DYNC2H1: variants seen among roughly 807,000 people sequenced by gnomAD.
DYNC2H1 encodes the protein dynein cytoplasmic 2 heavy chain 1.
A neutral mutation model predicts 570.0 loss-of-function variants in DYNC2H1; 410 were observed. That is an observed-to-expected ratio of 0.72 (90% CI 0.66 to 0.78). DYNC2H1 has a LOEUF of 0.78. Ranked by LOEUF, DYNC2H1 falls within the 30% of genes least tolerant of loss-of-function variation. The pLI is 0.00. For synonymous variants in DYNC2H1, 1,688 were observed against 1,677.6 expected (o/e 1.01, Z -0.15); for missense variants, 4,865 against 5,046.4 (o/e 0.96, Z 1.09).
intron 83 of DYNC2H1, among the ~76,000 whole-genome samples, chr11:103,365,593 T>C (rs546903690): frequency 6.6e-6 from 1 of 152,172 alleles, no homozygotes; most frequent in Non-Finnish European, 1.5e-5. Context: ...AACTCATTGT[T>C]TAGATCTGGG....
At chr11:103,229,954 C>G (rs375698098) in intron 59 of DYNC2H1, among the ~76,000 whole-genome samples, 55 of 152,204 alleles carry the variant, frequency 3.6e-4, no homozygotes, top group African/African-American at 1.3e-3. Context: ...GTTCCTAGAC[C>G]AGCAGCATCA....
chr11:103,451,832 A>G (rs1326924158), intron 85 of DYNC2H1, among the ~76,000 whole-genome samples: 1 of 152,134 alleles, frequency 6.6e-6, no homozygotes, highest in African/African-American at 2.4e-5. Context: ...TGTTTCTATA[A>G]TTATGTAAAC....
In DYNC2H1 at chr11:103,114,000, G is replaced by A. The variant is rs573074084; in HGVS notation, c.367-103G>A. The A allele has an allele frequency of 5.8e-4, 773 of 1,334,398 alleles. 5 individuals are homozygous for A. Among genetic ancestry groups the A allele is most frequent in the Admixed American group, 4.8e-3 (197 of 40,846 alleles). 82.7% of individuals were successfully genotyped at this position (1,334,398 alleles called of 1,614,324 possible). On this transcript the variant is annotated intron_variant, in intron 2 of 88. Coordinates refer to ENST00000375735, the MANE Select transcript of DYNC2H1 (RefSeq NM_001377.3). The stretch of plus-strand genomic sequence containing the variant: ...ATTCTTCTTATGAAGTGGAGGTAGT[G>A]GCAGGCTTTAAGAAAAATGGGGTTT...
chr11:103,350,205 A>G (rs1363199231), intron 82 of DYNC2H1, among the ~76,000 whole-genome samples: 1 of 152,180 alleles, frequency 6.6e-6, no homozygotes, highest in Non-Finnish European at 1.5e-5. Context: ...TGAGGCCCCC[A>G]AATCATTAAA....
At chr11:103,247,749 G>T (rs566061680) in intron 65 of DYNC2H1, among the ~76,000 whole-genome samples, 46 of 152,162 alleles carry the variant, frequency 3.0e-4, no homozygotes, top group Admixed American at 5.9e-4. Context: ...ATATTTTCTA[G>T]CCAGGAACAC....
chr11:103,458,234 C>A (rs888513435), intron 87 of DYNC2H1, among the ~76,000 whole-genome samples: 1 of 152,090 alleles, frequency 6.6e-6, no homozygotes, highest in African/African-American at 2.4e-5. Context: ...GATACACTTA[C>A]CATGTGTTCC....
At position 103,277,440 on chromosome 11, in the gene DYNC2H1, G is replaced by A. The variant is rs1453683720; in HGVS notation, c.10696-2908G>A. Among the ~76,000 whole-genome samples, 2 of 152,048 alleles carry A rather than the reference G, an allele frequency of 1.3e-5. No homozygotes were observed. The highest frequency in any genetic ancestry group is 4.8e-5 in the African/African-American group (2 of 41,386). ...TTCATCTGCCTTTTTCAGAAGCGCT[G>A]TATACTTCTGGGATGTTTAGTCCCT... On this transcript the variant is annotated intron_variant, in intron 70 of 88. Coordinates refer to ENST00000375735, the MANE Select transcript of DYNC2H1 (RefSeq NM_001377.3). The surrounding 1 kb of genome is among the most constrained non-coding windows in gnomAD (Gnocchi z 4.3).
chr11:103,304,148 C>T (rs1867170408), intron 76 of DYNC2H1, among the ~76,000 whole-genome samples: 1 of 151,960 alleles, frequency 6.6e-6, no homozygotes, highest in Non-Finnish European at 1.5e-5. Flanking sequence ...ATTTTTTAAA[C>T]AACTGAATAC....
At position 103,444,950 on chromosome 11, in the gene DYNC2H1, A is replaced by G. The variant is rs569386879; in HGVS notation, c.12456+8918A>G. 1.8e-4 allele frequency among the ~76,000 whole-genome samples: 28 copies of G among 152,308 alleles called. No homozygotes were observed. In the South Asian group the frequency reaches 5.0e-3, roughly 27 times the overall value. Reference sequence around the variant, plus strand: ...TGAGTACATGGGAGGTCAGTAGAAGATTGAGAGCAAAAGATTAAAAGGTGA... The same window carrying G: ...TGAGTACATGGGAGGTCAGTAGAAGGTTGAGAGCAAAAGATTAAAAGGTGA... On this transcript the variant is annotated intron_variant, in intron 85 of 88. Coordinates refer to ENST00000375735, the MANE Select transcript of DYNC2H1 (RefSeq NM_001377.3).
chr11:103,323,296 G>A (rs139137647), intron 81 of DYNC2H1, among the ~76,000 whole-genome samples: 1 of 152,208 alleles, frequency 6.6e-6, no homozygotes, highest in East Asian at 1.9e-4. Context: ...AATGTGTAGG[G>A]TAATTCTTAG....
chr11:103,345,329 T>C (rs1465487734), intron 82 of DYNC2H1, among the ~76,000 whole-genome samples: 1 of 152,202 alleles, frequency 6.6e-6, no homozygotes, highest in Non-Finnish European at 1.5e-5. Flanking sequence ...CGTTTGTGGC[T>C]ATGTCTCCCT....
In DYNC2H1 at chr11:103,299,614, A is replaced by G. The variant is rs544430460; in HGVS notation, c.11096-3479A>G. Among the ~76,000 whole-genome samples the G allele has an allele frequency of 1.3e-5, 2 of 152,086 alleles. No individual in the cohort carries two copies. Among genetic ancestry groups the G allele is most frequent in the African/African-American group, 4.8e-5 (2 of 41,434 alleles). On this transcript the variant is annotated intron_variant, in intron 75 of 88. Transcript: ENST00000375735. The surrounding 1 kb of genome is among the most constrained non-coding windows in gnomAD (Gnocchi z 4.5). ...GCAGATCGATTCCTTTGCATGCTTC[A>G]TATCACTCCTGTTTCTCTTTTCTGC... is the stretch of plus-strand genomic sequence containing the variant.
At chr11:103,187,968 T>C (rs1425346503) in intron 43 of DYNC2H1, among the ~76,000 whole-genome samples, 1 of 152,110 alleles carries the variant, frequency 6.6e-6, no homozygotes, top group Non-Finnish European at 1.5e-5. Flanking sequence ...TTTTTCTGGC[T>C]GCTTTAACCC....
chr11:103,466,711 T>C (rs1433952136), intron 87 of DYNC2H1, among the ~76,000 whole-genome samples: 1 of 152,210 alleles, frequency 6.6e-6, no homozygotes, highest in African/African-American at 2.4e-5. Context: ...AAAATTTGAT[T>C]CCATTTCATG....
intron 83 of DYNC2H1, among the ~76,000 whole-genome samples, chr11:103,387,031 G>A (rs1309791666): frequency 1.3e-5 from 2 of 152,054 alleles, no homozygotes; most frequent in African/African-American, 4.8e-5. Flanking sequence ...TGGGATGGCT[G>A]GGTCAAATGG....
At chr11:103,253,502 T>C (rs1864923237) in intron 66 of DYNC2H1, 54 bp downstream of exon 66, 1 of 1,479,664 alleles carries the variant, frequency 6.8e-7, no homozygotes, top group East Asian at 2.3e-5. Context: ...TTTATATACC[T>C]ATTAGACATT....
chr11:103,473,586 C>T (rs978632697), intron 88 of DYNC2H1, among the ~76,000 whole-genome samples: 1 of 152,144 alleles, frequency 6.6e-6, no homozygotes, highest in Admixed American at 6.5e-5. Flanking sequence ...ATATTAACAT[C>T]TCTGAGAAGT....
intron 19 of DYNC2H1, 56 bp downstream of exon 19, chr11:103,147,943 C>A: frequency 8.5e-7 from 1 of 1,181,568 alleles, no homozygotes; most frequent in Non-Finnish European, 1.2e-6. Context: ...GAAGCATGTA[C>A]TTTGATAGTT....
intron 52 of DYNC2H1, among the ~76,000 whole-genome samples, chr11:103,206,991 G>A (rs989631284): frequency 5.9e-5 from 9 of 151,884 alleles, no homozygotes; most frequent in Admixed American, 1.3e-4. Context: ...GTGCAATCTC[G>A]GCTCACTGCA....
Sources: gnomAD v4.1 joint callset for allele counts (sites outside exome capture counted in the v4.1 genomes callset) on GRCh38, gnomAD v4.1.1 for gene constraint, Gnocchi (gnomAD v3.1) non-coding constraint, MANE v1.5 for transcripts, NCBI Gene and HGNC (gene_info 2026-07-23, HGNC 2026-07-21) for gene names.